The following ADGRB3 variants were observed in gnomAD, a reference collection of about 807,000 sequenced individuals.
ADGRB3 encodes the protein adhesion G protein-coupled receptor B3, also known as brain-specific angiogenesis inhibitor 3.
In ADGRB3, 37 loss-of-function variants were observed where a neutral mutation model predicts 193.4. The observed-to-expected ratio is 0.19, with a 90% CI of 0.15 to 0.25. The LOEUF (loss-of-function observed/expected upper bound fraction) is 0.25. Ranked by LOEUF, ADGRB3 falls within the 10% of genes least tolerant of loss-of-function variation. The pLI, the probability that ADGRB3 is intolerant of heterozygous loss-of-function variation, is 1.00. For missense variants in ADGRB3, 1,637 were observed against 1,852.9 expected, an observed-to-expected ratio of 0.88 and a Z score of 2.14; for synonymous variants, 690 against 644.2, an observed-to-expected ratio of 1.07 and a Z score of -1.08.
intron 3 of ADGRB3, among the ~76,000 whole-genome samples, chr6:68,658,340 TG>T (rs1237103125): frequency 6.6e-6 from 1 of 151,324 alleles, no homozygotes; most frequent in African/African-American, 2.4e-5. Flanking sequence ...TCCCATGTTT[TG>T]TAACTATAGG....
intron 17 of ADGRB3, among the ~76,000 whole-genome samples, chr6:69,123,358 C>A (rs573407992): frequency 4.6e-4 from 70 of 152,244 alleles, no homozygotes; most frequent in Non-Finnish European, 8.8e-4. Context: ...AGGGCAAGAA[C>A]TTTTACCTCC....
intron 20 of ADGRB3, among the ~76,000 whole-genome samples, chr6:69,323,480 G>A (rs1278831042): frequency 1.3e-5 from 2 of 151,986 alleles, no homozygotes; most frequent in African/African-American, 2.4e-5. Flanking sequence ...CTAGAGTATA[G>A]GTATGAGGAA....
intron 3 of ADGRB3, among the ~76,000 whole-genome samples, chr6:68,855,471 G>A (rs536531371): frequency 2.9e-4 from 44 of 151,692 alleles, no homozygotes; most frequent in African/African-American, 1.1e-3. Context: ...TTCTAACAAT[G>A]AATTTCTAGG....
intron 3 of ADGRB3, among the ~76,000 whole-genome samples, chr6:68,874,102 T>C (rs2150221192): frequency 6.6e-6 from 1 of 152,220 alleles, no homozygotes; most frequent in African/African-American, 2.4e-5. Flanking sequence ...GGAATTTTTA[T>C]GATATATATT....
At chr6:69,085,136 A>C (rs1260131357) in intron 17 of ADGRB3, among the ~76,000 whole-genome samples, 1 of 152,168 alleles carries the variant, frequency 6.6e-6, no homozygotes, top group Non-Finnish European at 1.5e-5. Context: ...TACGTGTCAT[A>C]GGAAGCTCTC....
chr6:69,149,513 G>A (rs961268269), intron 17 of ADGRB3, among the ~76,000 whole-genome samples: 7 of 151,968 alleles, frequency 4.6e-5, no homozygotes, highest in African/African-American at 1.2e-4. Context: ...GAAAGGTCCC[G>A]TATCTCTGTC....
chr6:69,021,630 A>G (rs1324606076), intron 13 of ADGRB3, among the ~76,000 whole-genome samples: 2 of 152,044 alleles, frequency 1.3e-5, no homozygotes, highest in Non-Finnish European at 2.9e-5. Context: ...CTTTGAGAGC[A>G]TTAGTTCTAA....
intron 3 of ADGRB3, among the ~76,000 whole-genome samples, chr6:68,878,604 G>A (rs976222877): frequency 6.6e-6 from 1 of 152,152 alleles, no homozygotes; most frequent in Non-Finnish European, 1.5e-5. Flanking sequence ...GTTAATTTGT[G>A]TTGTAAAAGT....
chr6:69,362,200 A>T (rs1769468687), intron 29 of ADGRB3, among the ~76,000 whole-genome samples: 1 of 151,950 alleles, frequency 6.6e-6, no homozygotes, highest in Non-Finnish European at 1.5e-5. Context: ...AAGGCCACCA[A>T]AAGCAAAGAG....
At chr6:68,705,325 A>G (rs575349810) in intron 3 of ADGRB3, among the ~76,000 whole-genome samples, 1 of 152,008 alleles carries the variant, frequency 6.6e-6, no homozygotes, top group East Asian at 1.9e-4. Flanking sequence ...TGTGTTTTCA[A>G]TTGCACAGAG....
At chr6:69,040,541 A>G (rs1345732656) in intron 13 of ADGRB3, among the ~76,000 whole-genome samples, 4 of 151,660 alleles carry the variant, frequency 2.6e-5, no homozygotes, top group East Asian at 1.9e-4. Context: ...ATGCTGAGAA[A>G]GTAGGAGTGG....
intron 17 of ADGRB3, among the ~76,000 whole-genome samples, chr6:69,102,663 C>T (rs1258895674): frequency 6.6e-6 from 1 of 151,962 alleles, no homozygotes; most frequent in African/African-American, 2.4e-5. Context: ...CTGGCGGAGC[C>T]CAAGTGAAAA....
chr6:68,643,931 GAA>G (rs1226089996), intron 3 of ADGRB3, among the ~76,000 whole-genome samples: 1 of 108,070 alleles, frequency 9.3e-6, no homozygotes. Context: ...GACTCTATCA[GAA>G]AAAAAAAAAA....
chr6:69,196,831 T>C lies in ADGRB3; in HGVS notation c.2481-36459T>C, dbSNP rs1475363331. 3.9e-5 allele frequency among the ~76,000 whole-genome samples: 6 copies of C among 152,206 alleles called. 1 individual carries two copies. Among genetic ancestry groups the C allele is most frequent in the African/African-American group, 9.6e-5 (4 of 41,560 alleles). ...TTTATTTAAAGAGGTAATTCCTTGATTTATCACAAAGGGTGATTTGTCATC... is the reference window on the plus strand; with the variant it reads ...TTTATTTAAAGAGGTAATTCCTTGACTTATCACAAAGGGTGATTTGTCATC... On this transcript the variant is annotated intron_variant, in intron 17 of 31. Coordinates refer to ENST00000370598, the MANE Select transcript of ADGRB3 (RefSeq NM_001704.3).
intron 11 of ADGRB3, among the ~76,000 whole-genome samples, chr6:68,997,766 T>TA (rs1437742418): frequency 6.6e-6 from 1 of 152,104 alleles, no homozygotes; most frequent in Non-Finnish European, 1.5e-5. Context: ...CTCCTGTTTT[T>TA]AATTGTCATT....
intron 17 of ADGRB3, among the ~76,000 whole-genome samples, chr6:69,196,907 C>G (rs1367657913): frequency 6.6e-6 from 1 of 152,078 alleles, no homozygotes; most frequent in African/African-American, 2.4e-5. Context: ...TAGGGTCAGA[C>G]ATATCAGAAT....
chr6:69,369,605 G>A (rs1346916836), intron 29 of ADGRB3, among the ~76,000 whole-genome samples: 1 of 151,192 alleles, frequency 6.6e-6, no homozygotes, highest in Non-Finnish European at 1.5e-5. Flanking sequence ...GGCTGAGGTG[G>A]AAGGATCACT....
chr6:69,102,624 C>G (rs764104433), intron 17 of ADGRB3, among the ~76,000 whole-genome samples: 2 of 152,088 alleles, frequency 1.3e-5, no homozygotes, highest in African/African-American at 4.8e-5. Context: ...GTGAATGGAT[C>G]AGTGAGCAGC....
chr6:69,019,633 C>T (rs751436041), intron 13 of ADGRB3, among the ~76,000 whole-genome samples: 3 of 151,922 alleles, frequency 2.0e-5, no homozygotes, highest in Admixed American at 6.6e-5. Flanking sequence ...ATAGTTCAAA[C>T]GTCTGGAGAC....
Sources: gnomAD v4.1 joint callset for allele counts (sites outside exome capture counted in the v4.1 genomes callset) on GRCh38, gnomAD v4.1.1 for gene constraint, MANE v1.5 for transcripts, NCBI Gene and HGNC (gene_info 2026-07-23, HGNC 2026-07-21) for gene names.